ACBD7: variants seen among roughly 807,000 people sequenced by gnomAD.
ACBD7 encodes the protein acyl-CoA-binding domain-containing protein 7.
Under a neutral mutation model 13.7 loss-of-function variants are expected in ACBD7, and 11 were observed. The observed-to-expected ratio is 0.80, with a 90% CI of 0.50 to 1.33. The LOEUF (loss-of-function observed/expected upper bound fraction) is 1.33. Ranked by LOEUF, ACBD7 falls within the 40% of genes most tolerant of loss-of-function variation. The pLI, the probability that ACBD7 is intolerant of heterozygous loss-of-function variation, is 0.00. For synonymous variants in ACBD7, 43 were observed against 37.7 expected (o/e 1.14, Z -0.51); for missense variants, 111 against 103.0 (o/e 1.08, Z -0.33).
chr10:15,079,257 C>T lies in ACBD7; in HGVS notation c.13-217G>A, dbSNP rs546221213. On this transcript the variant is annotated intron_variant, in intron 1 of 3. Coordinates refer to ENST00000356189, the MANE Select transcript of ACBD7 (RefSeq NM_001039844.3). ...GAAAATTCTTAATACAGAAAATGTT[C>T]GGTTTAACTTCTTTTTTTTTTTTTT... is the stretch of plus-strand genomic sequence containing the variant. 4.5e-4 allele frequency among the ~76,000 whole-genome samples: 65 copies of T among 145,644 alleles called. 2 individuals are homozygous for T. In the South Asian group the frequency reaches 5.0e-3, roughly 11 times the overall value.
chr10:15,080,643 A>G (rs932628340), intron 1 of ACBD7, among the ~76,000 whole-genome samples: 1 of 152,158 alleles, frequency 6.6e-6, no homozygotes, highest in African/African-American at 2.4e-5. Flanking sequence ...GTTAGCTCTG[A>G]TAACTGGGAC....
intron 1 of ACBD7, 106 bp downstream of exon 1, chr10:15,088,611 G>C: frequency 1.4e-6 from 2 of 1,440,830 alleles, no homozygotes; most frequent in Non-Finnish European, 1.9e-6. Context: ...GTGTCCCCCG[G>C]GTCACCGCCG....
rs192033204 is a variant in ACBD7 at position 15,077,335 on chromosome 10, A to T, written c.*1195T>A. Reference sequence around the variant, plus strand: ...ATTATCTTAAGTGAAACAACTCAGAAAAAAATAAGAAAATAAAGATTTTTA... The same window carrying T: ...ATTATCTTAAGTGAAACAACTCAGATAAAAATAAGAAAATAAAGATTTTTA... On this transcript the variant is annotated 3_prime_UTR_variant, in exon 4 of 4. Coordinates refer to ENST00000356189, the MANE Select transcript of ACBD7 (RefSeq NM_001039844.3). Among the ~76,000 whole-genome samples the T allele has an allele frequency of 3.0e-3, 464 of 152,258 alleles. 1 individual carries two copies. The highest frequency in any genetic ancestry group is 5.7e-3 in the Non-Finnish European group (387 of 68,026).
At chr10:15,088,389 G>A (rs1844833221) in intron 1 of ACBD7, 2 of 469,602 alleles carry the variant, frequency 4.3e-6, no homozygotes, top group Admixed American at 4.3e-5. Flanking sequence ...AGGTCCCAAC[G>A]AGCGAAGGGG....
intron 1 of ACBD7, among the ~76,000 whole-genome samples, chr10:15,086,036 G>C (rs1335168240): frequency 6.6e-6 from 1 of 152,152 alleles, no homozygotes; most frequent in Non-Finnish European, 1.5e-5. Flanking sequence ...AGCTGGGCGT[G>C]GTAGCTCACA....
At chr10:15,080,556 G>A (rs1844738369) in intron 1 of ACBD7, among the ~76,000 whole-genome samples, 2 of 152,052 alleles carry the variant, frequency 1.3e-5, no homozygotes, top group South Asian at 2.1e-4. Flanking sequence ...CTCTAGCCTG[G>A]GCGACAAAGT....
At chr10:15,086,306 C>CAAAAAAAAAAAAAAAAAA (rs200878752) in intron 1 of ACBD7, among the ~76,000 whole-genome samples, 1 of 138,180 alleles carries the variant, frequency 7.2e-6, no homozygotes, top group Non-Finnish European at 1.6e-5. Context: ...GACACCATCT[C>CAAAAAAAAAAAAAAAAAA]AAAAAAAAAA....
chr10:15,088,074 T>C (rs1409135302), intron 1 of ACBD7, among the ~76,000 whole-genome samples: 1 of 140,884 alleles, frequency 7.1e-6, no homozygotes, highest in Non-Finnish European at 1.5e-5. Flanking sequence ...CTGTTTTACG[T>C]GTAGGAATAA....
At position 15,076,187 on chromosome 10, in the gene ACBD7, G is replaced by A. The variant is rs977043346; in HGVS notation, c.*2343C>T. 5.0e-5 allele frequency: 49 copies of A among 985,012 alleles called. No homozygotes were observed. The highest frequency in any genetic ancestry group is 6.2e-5 in the Admixed American group (1 of 16,230). The allele number at this position is 985,012 out of a possible 1,614,324, so 61.0% of individuals were successfully genotyped here. A position where few individuals can be genotyped will look rare whatever the true frequency, so the allele number is the denominator to read the frequency against. ...TCTAAATTTTTATGCAGGGAATAGA[G>A]GTACACTGTTTTGGGGGATATTTAT... On this transcript the variant is annotated 3_prime_UTR_variant, in exon 4 of 4. Coordinates refer to ENST00000356189, the MANE Select transcript of ACBD7 (RefSeq NM_001039844.3).
intron 1 of ACBD7, among the ~76,000 whole-genome samples, chr10:15,085,313 T>C (rs757408972): frequency 1.6e-4 from 24 of 152,252 alleles, no homozygotes; most frequent in Non-Finnish European, 2.4e-4. Flanking sequence ...GGGTACATCC[T>C]GGGTGCATCC....
At position 15,077,119 on chromosome 10, in the gene ACBD7, A is replaced by G. The variant is rs769501138; in HGVS notation, c.*1411T>C. Among the ~76,000 whole-genome samples, 2 of 152,186 alleles carry G rather than the reference A, an allele frequency of 1.3e-5. No homozygotes were observed. Among genetic ancestry groups the G allele is most frequent in the Admixed American group, 6.6e-5 (1 of 15,264 alleles). ...TAAAGGAAAATAAATCATTCTATCC[A>G]AAAGATACCTGCACTTGTATATCTA... On this transcript the variant is annotated 3_prime_UTR_variant, in exon 4 of 4. Coordinates refer to ENST00000356189, the MANE Select transcript of ACBD7 (RefSeq NM_001039844.3).
intron 1 of ACBD7, among the ~76,000 whole-genome samples, chr10:15,079,334 G>T (rs1844722753): frequency 6.7e-6 from 1 of 148,212 alleles, no homozygotes; most frequent in South Asian, 2.1e-4. Context: ...CAGTGCAGTG[G>T]CACCGTCTCC....
At chr10:15,079,128 T>C in intron 1 of ACBD7, 88 bp from the exon 2 acceptor site, 1 of 752,910 alleles carries the variant, frequency 1.3e-6, no homozygotes, top group Non-Finnish European at 2.1e-6. Flanking sequence ...AGGTTCCAAG[T>C]AGAAATGAAC....
intron 1 of ACBD7, 96 bp downstream of exon 1, chr10:15,088,621 G>C (rs959698618): frequency 3.3e-6 from 5 of 1,495,672 alleles, no homozygotes; most frequent in South Asian, 1.2e-5. Flanking sequence ...GGTCACCGCC[G>C]ACCGCTCCCA....
At chr10:15,078,811 G>C in intron 2 of ACBD7, 58 bp from the exon 3 acceptor site, 16 of 1,559,260 alleles carry the variant, frequency 1.0e-5, no homozygotes, top group Non-Finnish European at 1.3e-5. Context: ...CACTTCTATA[G>C]ACATTGTTCA....
chr10:15,082,330 G>C (rs975799954), intron 1 of ACBD7, among the ~76,000 whole-genome samples: 2 of 139,656 alleles, frequency 1.4e-5, no homozygotes, highest in African/African-American at 2.6e-5. Context: ...CAAGACATAA[G>C]AAATACTTTT....
chr10:15,078,706 A>G lies in ACBD7; in HGVS notation c.178T>C (p.Trp60Arg), dbSNP rs767311612. 2.5e-6 allele frequency: 4 copies of G among 1,614,076 alleles called. No individual in the cohort carries two copies. The highest frequency in any genetic ancestry group is 3.4e-6 in the Non-Finnish European group (4 of 1,180,006). The stretch of plus-strand genomic sequence containing the variant: ...ACTAAAAAACCTTTTTTGAGGTTCC[A>G]TGCTTCCCATTTGGCTTTGCCTTTT... ...DLKGKAKWEAWNLKKGLSTED... is the reference protein window; with the variant it reads ...DLKGKAKWEARNLKKGLSTED... Residue 60 changes from tryptophan to arginine, a missense_variant, in exon 3 of 4, where the codon TGG becomes CGG. Coordinates refer to ENST00000356189, the MANE Select transcript of ACBD7 (RefSeq NM_001039844.3).
chr10:15,076,887 C>T lies in ACBD7; in HGVS notation c.*1643G>A. 1 of 985,390 alleles carries T rather than the reference C, an allele frequency of 1.0e-6. No homozygotes were observed. The highest frequency in any genetic ancestry group is 1.2e-6 in the Non-Finnish European group (1 of 829,926). The allele number at this position is 985,390 out of a possible 1,614,324, so 61.0% of individuals were successfully genotyped here. The stretch of plus-strand genomic sequence containing the variant: ...AGAACAGATGAGCCAAAAGAACAAA[C>T]AGCTGTTCAAATCTGTACACATATT... On this transcript the variant is annotated 3_prime_UTR_variant, in exon 4 of 4. Transcript: ENST00000356189.
rs1437143984 is a variant in ACBD7 at position 15,088,752 on chromosome 10, T to TGCTGCTGTTGTCGTC, written c.-39_-25dup. The TGCTGCTGTTGTCGTC allele has an allele frequency of 3.1e-6, 5 of 1,598,228 alleles. No individual in the cohort carries two copies. The Admixed American group carries it at 6.8e-5, about 22-fold the overall frequency. On this transcript the variant is annotated 5_prime_UTR_variant, in exon 1 of 4. Coordinates refer to ENST00000356189, the MANE Select transcript of ACBD7 (RefSeq NM_001039844.3). ...ATGGTGGCGGCTGCCGCGTTGTTGC[T>TGCTGCTGTTGTCGTC]GCTGCTGTTGTCGTCCGGTGCTCTG...
Sources: allele counts gnomAD v4.1 joint callset (sites outside exome capture counted in the v4.1 genomes callset), GRCh38; gene constraint gnomAD v4.1.1; transcripts MANE v1.5; gene names NCBI Gene and HGNC (gene_info 2026-07-23, HGNC 2026-07-21).